The following WWOX variants were observed in gnomAD, a reference collection of about 807,000 sequenced individuals.
WWOX encodes WW domain containing oxidoreductase, also known as WW domain-containing oxidoreductase.
Under a neutral mutation model 46.2 loss-of-function variants are expected in WWOX, and 69 were observed. That is an observed-to-expected ratio of 1.49 (90% CI 1.23 to 1.82). The LOEUF is 1.82. Among genes scored for constraint, WWOX ranks in the 40% most tolerant of loss-of-function variants. The probability of loss-of-function intolerance (pLI) is 0.00; values close to 1 mark genes in which losing one functional copy is unlikely to be tolerated. For missense variants in WWOX, 919 were observed against 542.6 expected, an observed-to-expected ratio of 1.69 and a Z score of -6.89; for synonymous variants, 359 against 202.6, an observed-to-expected ratio of 1.77 and a Z score of -6.56.
In WWOX at chr16:78,681,850, C is replaced by T. The variant is rs144442655; in HGVS notation, c.1056+249098C>T. 4.7e-4 allele frequency among the ~76,000 whole-genome samples: 72 copies of T among 152,278 alleles called. No individual in the cohort carries two copies. The East Asian group carries it at 0.01, about 22-fold the overall frequency. On this transcript the variant is annotated intron_variant, in intron 8 of 8. Coordinates refer to ENST00000566780, the MANE Select transcript of WWOX (RefSeq NM_016373.4). ...TTTCTTCAACTTTGGTGTGAGACTC[C>T]GCTGGAGAGCTGGTTAGAAAAACAC...
At chr16:78,741,007 G>C (rs575634609) in intron 8 of WWOX, among the ~76,000 whole-genome samples, 5 of 152,084 alleles carry the variant, frequency 3.3e-5, no homozygotes, top group Non-Finnish European at 7.4e-5. Flanking sequence ...TCCTAAGTGG[G>C]ATACACCACG....
At chr16:78,110,825 A>G (rs1265654571) in intron 3 of WWOX, among the ~76,000 whole-genome samples, 1 of 152,198 alleles carries the variant, frequency 6.6e-6, no homozygotes, top group African/African-American at 2.4e-5. Context: ...TAAGGATCCC[A>G]CAGCAAAGAA....
At chr16:78,194,872 C>G (rs557461884) in intron 5 of WWOX, among the ~76,000 whole-genome samples, 20 of 152,316 alleles carry the variant, frequency 1.3e-4, no homozygotes, top group Middle Eastern at 3.4e-3. Context: ...ATGTAACTGT[C>G]TTACGTGTTC....
At chr16:78,311,615 C>T (rs890429251) in intron 5 of WWOX, among the ~76,000 whole-genome samples, 4 of 152,126 alleles carry the variant, frequency 2.6e-5, no homozygotes, top group African/African-American at 7.2e-5. Context: ...ATGAGTGGGC[C>T]TAAAGAATCC....
intron 8 of WWOX, among the ~76,000 whole-genome samples, chr16:78,828,734 C>G (rs1024693502): frequency 6.6e-6 from 1 of 152,152 alleles, no homozygotes; most frequent in Non-Finnish European, 1.5e-5. Context: ...AATATCGTCT[C>G]TAGTCCTCCA....
chr16:79,040,927 C>G (rs1450624054), intron 8 of WWOX, among the ~76,000 whole-genome samples: 1 of 152,074 alleles, frequency 6.6e-6, no homozygotes, highest in African/African-American at 2.4e-5. Flanking sequence ...CAGGACGCAT[C>G]CATGGATGGA....
chr16:78,143,270 A>G (rs2034048873), intron 4 of WWOX, among the ~76,000 whole-genome samples: 1 of 152,236 alleles, frequency 6.6e-6, no homozygotes, highest in Non-Finnish European at 1.5e-5. Context: ...TGTCATCCAC[A>G]TGGGTTCTGA....
intron 5 of WWOX, among the ~76,000 whole-genome samples, chr16:78,164,917 G>A (rs2034922223): frequency 6.6e-6 from 1 of 152,188 alleles, no homozygotes; most frequent in African/African-American, 2.4e-5. Flanking sequence ...TCATCAGCAG[G>A]GAGCCTTCCA....
chr16:78,605,170 C>T (rs1272351901), intron 8 of WWOX, among the ~76,000 whole-genome samples: 1 of 151,034 alleles, frequency 6.6e-6, no homozygotes, highest in South Asian at 2.1e-4. Context: ...TCTAGGAATG[C>T]CTGATGTATC....
chr16:78,741,082 A>T (rs1336299678), intron 8 of WWOX, among the ~76,000 whole-genome samples: 1 of 152,064 alleles, frequency 6.6e-6, no homozygotes, highest in Admixed American at 6.5e-5. Context: ...TTATCAATAA[A>T]TTTTTACTGA....
chr16:78,565,282 T>C (rs146032092), intron 8 of WWOX, among the ~76,000 whole-genome samples: 1 of 152,338 alleles, frequency 6.6e-6, no homozygotes, highest in African/African-American at 2.4e-5. Flanking sequence ...GTTGCAGTTC[T>C]GGGGAGTCAC....
chr16:78,892,431 G>C (rs1039134063), intron 8 of WWOX: 1 of 152,212 alleles, frequency 6.6e-6, no homozygotes, highest in Admixed American at 6.5e-5. Flanking sequence ...TTTCATGTTG[G>C]TGCAAGAGAC....
chr16:79,008,695 C>A (rs1271041000), intron 8 of WWOX, among the ~76,000 whole-genome samples: 1 of 152,204 alleles, frequency 6.6e-6, no homozygotes, highest in Non-Finnish European at 1.5e-5. Context: ...CTACTCCCTT[C>A]ACTCCCTCCA....
intron 8 of WWOX, among the ~76,000 whole-genome samples, chr16:79,166,354 G>T (rs2050594280): frequency 1.3e-5 from 2 of 152,110 alleles, no homozygotes; most frequent in South Asian, 2.1e-4. Context: ...CCACCACAAA[G>T]ATTGTGTTTT....
At chr16:78,827,708 G>C (rs537950883) in intron 8 of WWOX, among the ~76,000 whole-genome samples, 11 of 152,184 alleles carry the variant, frequency 7.2e-5, no homozygotes, top group African/African-American at 2.6e-4. Flanking sequence ...AGGCATGGTG[G>C]TGCATGTCTG....
chr16:78,432,547 A>G lies in WWOX; in HGVS notation c.851A>G (p.Lys284Arg), dbSNP rs897453553. ...KLDFSRLSPT[K>R]NDYWAMLAYN... ...GACTTCAGTCGCCTCTCTCCAACAA[A>G]AAACGACTATTGGGCGATGCTGGCT... is the stretch of plus-strand genomic sequence containing the variant. The change falls in exon 8 of 9, where the codon AAA (lysine) becomes AGA (arginine). Residue 284 changes from lysine (K) to arginine (R), a missense_variant. Lys to Arg is a conservative substitution (Grantham distance 26, BLOSUM62 2). Coordinates refer to ENST00000566780, the MANE Select transcript of WWOX (RefSeq NM_016373.4). The G allele has an allele frequency of 2.2e-5, 35 of 1,614,042 alleles. No individual in the cohort carries two copies. The African/African-American group carries it at 4.0e-4, about 18-fold the overall frequency.
chr16:78,435,274 G>T (rs1206642446), intron 8 of WWOX, among the ~76,000 whole-genome samples: 1 of 152,122 alleles, frequency 6.6e-6, no homozygotes, highest in Non-Finnish European at 1.5e-5. Context: ...CTTAGTAATA[G>T]CAGATGCCCA....
intron 8 of WWOX, among the ~76,000 whole-genome samples, chr16:78,490,268 C>CTTTTGAAGCATCAACCAAGCG (rs2084747309): frequency 6.6e-6 from 1 of 151,266 alleles, no homozygotes; most frequent in South Asian, 2.1e-4. Context: ...CAACGGAAGC[C>CTTTTGAAGCATCAACCAAGCG]TTTTGGAAGT....
intron 3 of WWOX, among the ~76,000 whole-genome samples, chr16:78,114,287 A>G (rs1056724722): frequency 5.9e-5 from 9 of 152,094 alleles, no homozygotes; most frequent in African/African-American, 2.2e-4. Context: ...GTTTGTAGAG[A>G]TGAGGTCTAA....
Sources: allele counts gnomAD v4.1 joint callset (sites outside exome capture counted in the v4.1 genomes callset), GRCh38; gene constraint gnomAD v4.1.1; transcripts MANE v1.5; gene names NCBI Gene and HGNC (gene_info 2026-07-23, HGNC 2026-07-21).